The following XRRA1 variants were observed in gnomAD, a reference collection of about 807,000 sequenced individuals.
The protein encoded by XRRA1 is X-ray radiation resistance associated 1.
Under a neutral mutation model 80.2 loss-of-function variants are expected in XRRA1, and 69 were observed. The ratio of observed to expected loss-of-function variants is 0.86; its 90% CI spans 0.71 to 1.05. The LOEUF is 1.05. Ranked by LOEUF, XRRA1 falls within the 50% of genes least tolerant of loss-of-function variation. XRRA1 has a pLI of 0.00. For synonymous variants in XRRA1, 348 were observed against 389.9 expected (o/e 0.89, Z 1.27); for missense variants, 967 against 976.4 (o/e 0.99, Z 0.13).
chr11:74,881,535 G>A (rs2047583703), intron 10 of XRRA1, among the ~76,000 whole-genome samples: 1 of 151,066 alleles, frequency 6.6e-6, no homozygotes, highest in Admixed American at 6.6e-5. Flanking sequence ...TTGCTCGTTA[G>A]TTGATGCAGT....
intron 4 of XRRA1, 146 bp from the exon 5 acceptor site, chr11:74,934,018 A>ATTC (rs1944316365): frequency 1.9e-5 from 11 of 573,298 alleles, no homozygotes; most frequent in South Asian, 8.2e-5. Flanking sequence ...TTCATTCATT[A>ATTC]TTCATCCATT....
intron 8 of XRRA1, among the ~76,000 whole-genome samples, chr11:74,918,510 A>T (rs1939580766): frequency 6.6e-6 from 1 of 152,220 alleles, no homozygotes; most frequent in Non-Finnish European, 1.5e-5. Context: ...GTATAAGAGG[A>T]AGAGTTCCTT....
intron 9 of XRRA1, 123 bp downstream of exon 9, chr11:74,907,022 A>G (rs1032768807): frequency 1.9e-5 from 26 of 1,342,550 alleles, no homozygotes; most frequent in Non-Finnish European, 2.7e-5. Context: ...ATGGCCACAC[A>G]GTAGAGATAA....
At chr11:74,849,251 G>T (rs921144081) in intron 14 of XRRA1, among the ~76,000 whole-genome samples, 2 of 152,146 alleles carry the variant, frequency 1.3e-5, no homozygotes, top group African/African-American at 4.8e-5. Flanking sequence ...TGCAAGCACT[G>T]TAGTTAGAAA....
chr11:74,934,100 T>C (rs891690158), intron 4 of XRRA1, among the ~76,000 whole-genome samples: 5 of 152,226 alleles, frequency 3.3e-5, no homozygotes, highest in Non-Finnish European at 7.3e-5. Context: ...AACTTTCTTC[T>C]AATCCTAATT....
At chr11:74,878,932 G>A (rs975423633) in intron 10 of XRRA1, among the ~76,000 whole-genome samples, 1 of 151,864 alleles carries the variant, frequency 6.6e-6, no homozygotes, top group African/African-American at 2.4e-5. Flanking sequence ...GCTTAGGATT[G>A]ACTTGGCGAT....
intron 10 of XRRA1, among the ~76,000 whole-genome samples, chr11:74,891,684 C>G (rs888459772): frequency 1.8e-4 from 28 of 152,174 alleles, no homozygotes; most frequent in Non-Finnish European, 3.5e-4. Context: ...TCTCCTTAAG[C>G]TGATAGGCAA....
At chr11:74,859,397 T>G in intron 11 of XRRA1, 114 bp from the exon 12 acceptor site, 1 of 1,250,970 alleles carries the variant, frequency 8.0e-7, no homozygotes, top group Non-Finnish European at 1.1e-6. Flanking sequence ...CTAGAGAGAC[T>G]TGGCCAAAAG....
At chr11:74,917,754 C>T (rs551793440) in intron 8 of XRRA1, among the ~76,000 whole-genome samples, 6 of 152,128 alleles carry the variant, frequency 3.9e-5, no homozygotes, top group Non-Finnish European at 5.9e-5. Context: ...TCTCATTCTA[C>T]AACTTTTGGC....
At chr11:74,936,558 G>A (rs1945028230) in intron 4 of XRRA1, among the ~76,000 whole-genome samples, 1 of 152,228 alleles carries the variant, frequency 6.6e-6, no homozygotes, top group African/African-American at 2.4e-5. Context: ...GTAGACCAGA[G>A]TTCTAATCCT....
rs76070106 is a variant in XRRA1 at position 74,843,810 on chromosome 11, C to T, written c.2149+44G>A. The T allele has an allele frequency of 2.7e-3, 4,151 of 1,536,092 alleles. 89 individuals are homozygous for T. In the African/African-American group the frequency reaches 0.05, roughly 19 times the overall value. On this transcript the variant is annotated intron_variant, in intron 18 of 18. Coordinates refer to ENST00000684022, the MANE Select transcript of XRRA1 (RefSeq NM_001378157.1). ...CCTTTCTTTGCCTTTAGCCAGCAGG[C>T]GTGAACTGGATCTGGGATCCTGGCA... is the stretch of plus-strand genomic sequence containing the variant.
chr11:74,856,992 C>A (rs143186356), intron 12 of XRRA1, among the ~76,000 whole-genome samples: 1 of 152,080 alleles, frequency 6.6e-6, no homozygotes, highest in South Asian at 2.1e-4. Context: ...AAAAGCCTAT[C>A]CTTGAGACAC....
At chr11:74,914,619 G>C (rs1248157054) in intron 8 of XRRA1, among the ~76,000 whole-genome samples, 1 of 151,474 alleles carries the variant, frequency 6.6e-6, no homozygotes, top group Non-Finnish European at 1.5e-5. Flanking sequence ...GGATGATAAA[G>C]TACATGGTCA....
chr11:74,872,167 C>T (rs575061241), intron 10 of XRRA1, among the ~76,000 whole-genome samples: 1 of 152,230 alleles, frequency 6.6e-6, no homozygotes, highest in African/African-American at 2.4e-5. Flanking sequence ...ACTAGGAGAG[C>T]CAAACCTCTT....
At chr11:74,922,896 GTCA>G (rs140988206) in intron 7 of XRRA1, among the ~76,000 whole-genome samples, 1 of 152,046 alleles carries the variant, frequency 6.6e-6, no homozygotes, top group African/African-American at 2.4e-5. Context: ...AATGTTGGCT[GTCA>G]TCATCATCAT....
chr11:74,848,071 T>C (rs758482887), intron 15 of XRRA1, 44 bp downstream of exon 15: 1 of 1,547,330 alleles, frequency 6.5e-7, no homozygotes, highest in Non-Finnish European at 8.8e-7. Flanking sequence ...CAGGAACCTG[T>C]GGGAGCTAGC....
chr11:74,938,670 CCTTGAT>C (rs964317775), intron 3 of XRRA1, among the ~76,000 whole-genome samples: 24 of 152,148 alleles, frequency 1.6e-4, no homozygotes, highest in African/African-American at 5.3e-4. Context: ...AAGAGATTAT[CCTTGAT>C]AATGTGAGTG....
In XRRA1 at chr11:74,933,987, G is replaced by GTTCATTCATTCA. The variant is rs60527965; in HGVS notation, c.280-127_280-116dup. On this transcript the variant is annotated intron_variant, in intron 4 of 18. Transcript: ENST00000684022. ...TATACTTGTCATAATTTGTTTGCTT[G>GTTCATTCATTCA]TTCATTCATTCATTCATTCATTCAT... The GTTCATTCATTCA allele has an allele frequency of 1.1e-4, 73 of 656,058 alleles. No individual in the cohort carries two copies. In the African/African-American group the frequency reaches 1.2e-3, roughly 11 times the overall value. 40.6% of individuals were successfully genotyped at this position (656,058 alleles called of 1,614,324 possible). A position where few individuals can be genotyped will look rare whatever the true frequency, so the allele number is the denominator to read the frequency against.
At chr11:74,924,631 C>T (rs1217192622) in intron 7 of XRRA1, among the ~76,000 whole-genome samples, 2 of 152,012 alleles carry the variant, frequency 1.3e-5, no homozygotes, top group African/African-American at 2.4e-5. Context: ...GCCAGGAGTT[C>T]GAGACTAGCC....
Sources: allele counts gnomAD v4.1 joint callset (sites outside exome capture counted in the v4.1 genomes callset), GRCh38; gene constraint gnomAD v4.1.1; transcripts MANE v1.5; gene names NCBI Gene and HGNC (gene_info 2026-07-23, HGNC 2026-07-21).